The following LPP variants were observed in gnomAD, a reference collection of about 807,000 sequenced individuals.
LPP encodes the protein lipoma-preferred partner.
Under a neutral mutation model 60.4 loss-of-function variants are expected in LPP, and 38 were observed. The observed-to-expected ratio is 0.63, with a 90% CI of 0.49 to 0.83. The LOEUF is 0.83. Ranked by LOEUF, LPP falls within the 40% of genes least tolerant of loss-of-function variation. The pLI, the probability that LPP is intolerant of heterozygous loss-of-function variation, is 0.00. For synonymous variants in LPP, 328 were observed against 290.8 expected (o/e 1.13, Z -1.30); for missense variants, 902 against 783.6 (o/e 1.15, Z -1.80).
At chr3:188,512,310 C>A (rs796314267) in intron 5 of LPP, among the ~76,000 whole-genome samples, 3 of 152,272 alleles carry the variant, frequency 2.0e-5, no homozygotes, top group African/African-American at 7.2e-5. Context: ...GTAATCCCAG[C>A]ACTTTGGGAG....
intron 9 of LPP, among the ~76,000 whole-genome samples, chr3:188,808,873 T>C (rs762894530): frequency 1.6e-4 from 24 of 152,148 alleles, no homozygotes; most frequent in Non-Finnish European, 3.2e-4. Flanking sequence ...GTTGTGCTTC[T>C]CCCTGTGTCC....
rs1348608145 is a variant in LPP, at chr3:188,882,839, C to T, written c.*8360C>T. 11 of 181,272 alleles carry T rather than the reference C, an allele frequency of 6.1e-5. 1 individual carries two copies. The Middle Eastern group carries it at 8.3e-3, about 137-fold the overall frequency. The allele number at this position is 181,272 out of a possible 1,614,324, so 11.2% of individuals were successfully genotyped here. ...CTGCAAGCTCCGCTTCTCGGGTTCA[C>T]GCCATTCTCCTGCCTCAGCCTCCCG... On this transcript the variant is annotated 3_prime_UTR_variant, in exon 12 of 12. Coordinates refer to ENST00000617246, the MANE Select transcript of LPP (RefSeq NM_001375462.1).
chr3:188,399,875 A>G (rs767810072), intron 3 of LPP, among the ~76,000 whole-genome samples: 12 of 152,250 alleles, frequency 7.9e-5, no homozygotes, highest in Non-Finnish European at 1.5e-4. Flanking sequence ...ATGACCAAAC[A>G]CTACTTCTTT....
At chr3:188,241,901 T>A (rs1725022332) in intron 2 of LPP, among the ~76,000 whole-genome samples, 1 of 152,194 alleles carries the variant, frequency 6.6e-6, no homozygotes, top group Admixed American at 6.5e-5. Context: ...GACTTCCAGC[T>A]AGGCATATGG....
At chr3:188,370,540 A>C (rs1316754615) in intron 3 of LPP, among the ~76,000 whole-genome samples, 1 of 152,088 alleles carries the variant, frequency 6.6e-6, no homozygotes, top group African/African-American at 2.4e-5. Context: ...TCTCGATGGT[A>C]GGTTTTCTGT....
At position 188,874,983 on chromosome 3, in the gene LPP, C is replaced by T. The variant is rs773020153; in HGVS notation, c.*504C>T. On this transcript the variant is annotated 3_prime_UTR_variant, in exon 12 of 12. Coordinates refer to ENST00000617246, the MANE Select transcript of LPP (RefSeq NM_001375462.1). Reference sequence around the variant, plus strand: ...TTCTTCTCTTGCTTTATACTACTCACGTCCTTGGGGAGGGAAATGCACAAT... The same window carrying T: ...TTCTTCTCTTGCTTTATACTACTCATGTCCTTGGGGAGGGAAATGCACAAT... 13 of 224,648 alleles carry T rather than the reference C, an allele frequency of 5.8e-5. No homozygotes were observed. The highest frequency in any genetic ancestry group is 1.1e-4 in the Admixed American group (2 of 17,548). 13.9% of individuals were successfully genotyped at this position (224,648 alleles called of 1,614,324 possible).
At chr3:188,295,175 C>G (rs1031941174) in intron 2 of LPP, among the ~76,000 whole-genome samples, 1 of 152,196 alleles carries the variant, frequency 6.6e-6, no homozygotes, top group Admixed American at 6.5e-5. Flanking sequence ...TCCGGTGAAA[C>G]CAATTCACAT....
At chr3:188,524,006 G>A (rs564433362) in intron 5 of LPP, among the ~76,000 whole-genome samples, 1 of 152,258 alleles carries the variant, frequency 6.6e-6, no homozygotes, top group Non-Finnish European at 1.5e-5. Flanking sequence ...TCTGACTGCA[G>A]GTAATACGAG....
At chr3:188,862,704 C>A (rs1765463760) in intron 9 of LPP, among the ~76,000 whole-genome samples, 1 of 106,152 alleles carries the variant, frequency 9.4e-6, no homozygotes, top group Non-Finnish European at 1.7e-5. Context: ...GCTGGCAACC[C>A]TACTAGACAA....
intron 6 of LPP, among the ~76,000 whole-genome samples, chr3:188,567,659 C>T (rs985309807): frequency 3.9e-5 from 6 of 151,930 alleles, no homozygotes; most frequent in Non-Finnish European, 8.8e-5. Flanking sequence ...ATTTCACTGG[C>T]TTCTGTCCTA....
chr3:188,568,977 G>T (rs917382533), intron 6 of LPP: 6 of 151,884 alleles, frequency 4.0e-5, no homozygotes, highest in African/African-American at 9.7e-5. Flanking sequence ...GCTAGAGGAT[G>T]TGACATTCGA....
At chr3:188,728,975 C>G (rs1229496413) in intron 8 of LPP, among the ~76,000 whole-genome samples, 4 of 152,018 alleles carry the variant, frequency 2.6e-5, no homozygotes, top group African/African-American at 9.7e-5. Flanking sequence ...ATGATAATCC[C>G]TTTTCCCATG....
At chr3:188,813,838 A>G (rs945736539) in intron 9 of LPP, among the ~76,000 whole-genome samples, 25 of 152,158 alleles carry the variant, frequency 1.6e-4, no homozygotes, top group African/African-American at 6.0e-4. Flanking sequence ...GGGATGCCAA[A>G]GTGGGCAAAT....
At chr3:188,326,344 T>C (rs1392167275) in intron 2 of LPP, among the ~76,000 whole-genome samples, 5 of 152,214 alleles carry the variant, frequency 3.3e-5, no homozygotes, top group Admixed American at 1.3e-4. Flanking sequence ...GACAATTAAA[T>C]ATACCGTACT....
chr3:188,767,492 G>A (rs1474972149), intron 9 of LPP, among the ~76,000 whole-genome samples: 1 of 152,122 alleles, frequency 6.6e-6, no homozygotes, highest in Non-Finnish European at 1.5e-5. Context: ...ATAAAAAGGA[G>A]TTAAATAATA....
At chr3:188,616,469 T>C (rs2151487000) in intron 7 of LPP, among the ~76,000 whole-genome samples, 1 of 152,292 alleles carries the variant, frequency 6.6e-6, no homozygotes, top group Non-Finnish European at 1.5e-5. Context: ...ACCAGTACCA[T>C]GTTGTTTTGG....
intron 2 of LPP, among the ~76,000 whole-genome samples, chr3:188,258,291 A>T (rs1732343546): frequency 6.6e-6 from 1 of 152,162 alleles, no homozygotes; most frequent in Non-Finnish European, 1.5e-5. Flanking sequence ...GACTTTCAAC[A>T]CTGGCTGCGC....
chr3:188,300,201 TA>T (rs1308974111), intron 2 of LPP, among the ~76,000 whole-genome samples: 2 of 152,184 alleles, frequency 1.3e-5, no homozygotes, highest in African/African-American at 4.8e-5. Flanking sequence ...TGTGTGTGTT[TA>T]TTTTTTTTCT....
At chr3:188,581,777 T>G (rs1040694621) in intron 6 of LPP, among the ~76,000 whole-genome samples, 20 of 152,144 alleles carry the variant, frequency 1.3e-4, no homozygotes, top group African/African-American at 4.6e-4. Flanking sequence ...AACCCCTCAT[T>G]CTTCCAGCAC....
Sources: gnomAD v4.1 joint callset for allele counts (sites outside exome capture counted in the v4.1 genomes callset) on GRCh38, gnomAD v4.1.1 for gene constraint, MANE v1.5 for transcripts, NCBI Gene and HGNC (gene_info 2026-07-23, HGNC 2026-07-21) for gene names.